Variants in MAST4 observed in about 807,000 individuals in gnomAD.
MAST4 encodes microtubule associated serine/threonine kinase family member 4.
A neutral mutation model predicts 162.7 loss-of-function variants in MAST4; 89 were observed. The observed-to-expected ratio is 0.55, with a 90% CI of 0.46 to 0.65. The LOEUF (loss-of-function observed/expected upper bound fraction) is 0.65. MAST4 is among the 30% of genes least tolerant of loss of function. MAST4 has a pLI of 0.00. For synonymous variants in MAST4, 1,479 were observed against 1,361.1 expected, an observed-to-expected ratio of 1.09 and a Z score of -1.91; for missense variants, 3,153 against 3,374.0, an observed-to-expected ratio of 0.93 and a Z score of 1.62.
intron 4 of MAST4, among the ~76,000 whole-genome samples, chr5:67,051,088 G>C (rs1347116475): frequency 6.6e-6 from 1 of 151,898 alleles, no homozygotes; most frequent in East Asian, 1.9e-4. Flanking sequence ...CTTAGATAAG[G>C]GTGAGTTATA....
intron 21 of MAST4, 171 bp downstream of exon 21, chr5:67,142,704 T>C: frequency 1.7e-6 from 1 of 577,440 alleles, no homozygotes; most frequent in Middle Eastern, 2.7e-4. Flanking sequence ...AGTCTGTCCC[T>C]ATCCCCTAGG....
chr5:66,923,361 A>T (rs74483240), intron 4 of MAST4, among the ~76,000 whole-genome samples: 1 of 152,130 alleles, frequency 6.6e-6, no homozygotes, highest in African/African-American at 2.4e-5. Flanking sequence ...ATATTGGGGA[A>T]TCTCACTCTC....
chr5:66,692,544 CTT>C (rs1749118757), intron 1 of MAST4, among the ~76,000 whole-genome samples: 1 of 152,084 alleles, frequency 6.6e-6, no homozygotes. Context: ...GGCTTCCGTC[CTT>C]TGAATATTCG....
Position 67,090,197 on chromosome 5 carries a change from C to T in MAST4, c.799C>T (p.Pro267Ser). The stretch of plus-strand genomic sequence containing the variant: ...TCAAGATAGTCCAAGAAATTTCTCC[C>T]CCAGTGCCTCAGCCCATTTTTCATT... ...SPQDSPRNFS[P>S]SASAHFSFAR... Residue 267 changes from proline to serine, a missense_variant, in exon 6 of 29, where the codon CCC becomes TCC. Coordinates refer to ENST00000403625, the MANE Select transcript of MAST4 (RefSeq NM_001164664.2). The T allele has an allele frequency of 6.2e-7, 1 of 1,612,998 alleles. No individual in the cohort carries two copies. The highest frequency in any genetic ancestry group is 8.5e-7 in the Non-Finnish European group (1 of 1,179,360).
intron 1 of MAST4, among the ~76,000 whole-genome samples, chr5:66,645,791 A>G (rs1341242055): frequency 3.3e-5 from 5 of 152,172 alleles, no homozygotes; most frequent in South Asian, 2.1e-4. Context: ...AGCATTTACA[A>G]TTTTACTTTT....
At chr5:66,881,031 C>A (rs26916) in intron 3 of MAST4, among the ~76,000 whole-genome samples, 49,993 of 152,016 alleles carry the variant, frequency 0.33, 9,528 homozygotes, top group Non-Finnish European at 0.44. Flanking sequence ...TATTAATGAA[C>A]TTTCACAGAT....
chr5:66,613,357 C>G (rs1206826512), intron 1 of MAST4, among the ~76,000 whole-genome samples: 1 of 148,138 alleles, frequency 6.8e-6, no homozygotes, highest in East Asian at 2.0e-4. Flanking sequence ...TTTGGGATAG[C>G]ATTGTCTTCC....
intron 14 of MAST4, among the ~76,000 whole-genome samples, chr5:67,129,375 CTAAG>C (rs1163115177): frequency 6.6e-6 from 1 of 152,124 alleles, no homozygotes; most frequent in Admixed American, 6.6e-5. Context: ...GCCAGATACT[CTAAG>C]AAGCTATGGG....
intron 5 of MAST4, among the ~76,000 whole-genome samples, chr5:67,059,485 A>G (rs912850073): frequency 5.9e-5 from 9 of 152,174 alleles, no homozygotes; most frequent in African/African-American, 2.2e-4. Flanking sequence ...TTCATATTGT[A>G]TTTTGATTTA....
intron 1 of MAST4, among the ~76,000 whole-genome samples, chr5:66,678,127 A>C (rs531496228): frequency 6.6e-6 from 1 of 152,228 alleles, no homozygotes; most frequent in African/African-American, 2.4e-5. Context: ...AACCTGGAGG[A>C]CATTATGTTA....
chr5:67,024,009 ACTC>A (rs905902533), intron 4 of MAST4, among the ~76,000 whole-genome samples: 12 of 151,674 alleles, frequency 7.9e-5, no homozygotes, highest in African/African-American at 2.9e-4. Flanking sequence ...CAGCCACAGA[ACTC>A]CTTTCATCCT....
In MAST4 at chr5:66,858,765, G is replaced by A. The variant is rs569557759; in HGVS notation, c.643-41186G>A. Among the ~76,000 whole-genome samples the A allele has an allele frequency of 4.7e-4, 72 of 152,196 alleles. No homozygotes were observed. The Middle Eastern group carries it at 0.014, about 29-fold the overall frequency. On this transcript the variant is annotated intron_variant, in intron 3 of 28. Transcript: ENST00000403625. ...GTGGCTCTTGAAATTAATTTGGGGA[G>A]TATTTGAGCCTTTCCTTCTATGTAT...
chr5:66,709,296 T>C (rs1328773752), intron 1 of MAST4, among the ~76,000 whole-genome samples: 1 of 152,220 alleles, frequency 6.6e-6, no homozygotes, highest in Admixed American at 6.5e-5. Context: ...GAATTTGTTA[T>C]GTTCAGGAAT....
chr5:66,831,215 C>A (rs1017792424), intron 3 of MAST4, among the ~76,000 whole-genome samples: 1 of 152,112 alleles, frequency 6.6e-6, no homozygotes, highest in Non-Finnish European at 1.5e-5. Flanking sequence ...TATTTATACA[C>A]CATGTTTGTT....
intron 1 of MAST4, among the ~76,000 whole-genome samples, chr5:66,756,244 A>G (rs561343398): frequency 6.6e-6 from 1 of 152,350 alleles, no homozygotes; most frequent in East Asian, 1.9e-4. Flanking sequence ...TAACGTAGGA[A>G]ATTTTAAGCA....
intron 1 of MAST4, among the ~76,000 whole-genome samples, chr5:66,694,126 C>T (rs781629726): frequency 2.0e-5 from 3 of 152,016 alleles, no homozygotes; most frequent in Non-Finnish European, 4.4e-5. Flanking sequence ...CGTCAGGGAG[C>T]GCATTGAAAG....
At chr5:66,813,733 T>C (rs1352893511) in intron 3 of MAST4, among the ~76,000 whole-genome samples, 1 of 152,220 alleles carries the variant, frequency 6.6e-6, no homozygotes, top group Non-Finnish European at 1.5e-5. Flanking sequence ...TGAGAAGAAA[T>C]AGGTGGTTTA....
rs368915274 is a variant in MAST4 at position 67,165,036 on chromosome 5, C to T, written c.5857C>T (p.Pro1953Ser). 2.9e-5 allele frequency: 46 copies of T among 1,609,838 alleles called. No individual in the cohort carries two copies. Among genetic ancestry groups the T allele is most frequent in the Admixed American group, 1.2e-4 (7 of 59,260 alleles). ...CCTCCACAGCCCTGACCTGGCCAGG[C>T]CACGCTGCCCGCTCCCACCTGAAGC... ...QNLHSPDLAR[P>S]RCPLPPEASP... is the part of the protein sequence containing the mutation. The change falls in exon 29 of 29, where the codon CCA becomes TCA. Residue 1953 changes from proline (P) to serine (S), a missense_variant. Physicochemically the swap from Pro to Ser is moderately conservative, Grantham distance 74. Around this residue, in one of 7 missense-constraint regions of MAST4, gnomAD observed 1,644 missense variants for 1,495.0 expected, o/e 1.10. Coordinates refer to ENST00000403625, the MANE Select transcript of MAST4 (RefSeq NM_001164664.2).
At chr5:67,002,555 C>T (rs1401617049) in intron 4 of MAST4, among the ~76,000 whole-genome samples, 1 of 152,196 alleles carries the variant, frequency 6.6e-6, no homozygotes, top group African/African-American at 2.4e-5. Flanking sequence ...TAGAAAGAAG[C>T]ACATTGTGGG....
Sources: gnomAD v4.1 joint callset for allele counts (sites outside exome capture counted in the v4.1 genomes callset) on GRCh38, gnomAD v4.1.1 for gene constraint, gnomAD v4.1.1 regional missense constraint, MANE v1.5 for transcripts, NCBI Gene and HGNC (gene_info 2026-07-23, HGNC 2026-07-21) for gene names.